The following SAMD5 variants were observed in gnomAD, a reference collection of about 807,000 sequenced individuals.
SAMD5 encodes the protein sterile alpha motif domain-containing protein 5.
In SAMD5, 13 loss-of-function variants were observed where a neutral mutation model predicts 11.3. The observed-to-expected ratio is 1.15, with a 90% CI of 0.75 to 1.83. SAMD5 has a LOEUF of 1.83. SAMD5 is among the 40% of genes most tolerant of loss of function. SAMD5 has a pLI of 0.00. For synonymous variants in SAMD5, 129 were observed against 111.3 expected (o/e 1.16, Z -1.00); for missense variants, 255 against 239.1 (o/e 1.07, Z -0.44).
At chr6:147,777,536 G>A in the SAMD5 span, among the ~76,000 whole-genome samples, 1 of 152,078 alleles carries the variant, frequency 6.6e-6, no homozygotes, top group Non-Finnish European at 1.5e-5. Context: ...CACACAACAC[G>A]AAGTTTACCA....
At chr6:147,917,064 A>T in the SAMD5 span, among the ~76,000 whole-genome samples, 1 of 120,996 alleles carries the variant, frequency 8.3e-6, no homozygotes, top group Admixed American at 8.5e-5. Context: ...TCCTTTGGGT[A>T]TATACCCAGT....
chr6:147,659,426 C>A (rs1790615813), intron 1 of SAMD5, among the ~76,000 whole-genome samples: 1 of 151,990 alleles, frequency 6.6e-6, no homozygotes, highest in Admixed American at 6.6e-5. Flanking sequence ...GAGAGCAAAA[C>A]AACAGGATTT....
chr6:147,651,602 C>T (rs1436945304), intron 1 of SAMD5, among the ~76,000 whole-genome samples: 2 of 152,134 alleles, frequency 1.3e-5, no homozygotes, highest in Non-Finnish European at 2.9e-5. Flanking sequence ...AGAAGGTGGC[C>T]ATCTGCAGGC....
the SAMD5 span, among the ~76,000 whole-genome samples, chr6:147,861,666 A>G: frequency 1.8e-4 from 28 of 152,306 alleles, no homozygotes; most frequent in African/African-American, 6.3e-4. Flanking sequence ...AAAACCATCA[A>G]AAGGAAATGT....
At chr6:147,786,438 A>G in the SAMD5 span, among the ~76,000 whole-genome samples, 1 of 152,214 alleles carries the variant, frequency 6.6e-6, no homozygotes, top group Non-Finnish European at 1.5e-5. Context: ...TCATTTTGTG[A>G]GGCGAATATA....
At chr6:147,675,158 C>T (rs1308003030) in intron 1 of SAMD5, among the ~76,000 whole-genome samples, 1 of 152,222 alleles carries the variant, frequency 6.6e-6, no homozygotes, top group Non-Finnish European at 1.5e-5. Context: ...AATGTTCATA[C>T]AAAAACAGTT....
At chr6:147,628,747 G>A (rs971187776) in intron 1 of SAMD5, among the ~76,000 whole-genome samples, 4 of 152,088 alleles carry the variant, frequency 2.6e-5, no homozygotes, top group African/African-American at 9.7e-5. Context: ...TAGGGGAGAG[G>A]CCACCTCACT....
rs62434738 is a variant in SAMD5 at position 147,603,850 on chromosome 6, T to G, written c.162+94463T>G. Among the ~76,000 whole-genome samples, 926 of 152,288 alleles carry G rather than the reference T, an allele frequency of 6.1e-3. 6 individuals carry two copies. Among genetic ancestry groups the G allele is most frequent in the Non-Finnish European group, 0.011 (726 of 68,030 alleles). ...CTTCCTTACTGGGAGCTGGAGGGTT[T>G]GATTTGTCCATGTTTATGCAGAAAT... On this transcript the variant is annotated intron_variant, in intron 1 of 1. Transcript: ENST00000566741.
chr6:147,691,274 G>A (rs1275783365), intron 1 of SAMD5, among the ~76,000 whole-genome samples: 6 of 152,102 alleles, frequency 3.9e-5, no homozygotes, highest in African/African-American at 7.2e-5. Flanking sequence ...GGTTACAGGC[G>A]TGAGCCACCA....
At chr6:147,684,322 G>C (rs564185871) in intron 1 of SAMD5, among the ~76,000 whole-genome samples, 1 of 152,172 alleles carries the variant, frequency 6.6e-6, no homozygotes, top group South Asian at 2.1e-4. Flanking sequence ...TTAATGATGT[G>C]AATAGACTAT....
At chr6:147,575,802 T>G (rs73578604) in intron 1 of SAMD5, among the ~76,000 whole-genome samples, 3,913 of 152,340 alleles carry the variant, frequency 0.026, 165 homozygotes, top group African/African-American at 0.09. Flanking sequence ...ATACCGGTTG[T>G]GTTTGGCTTA....
chr6:147,721,553 T>C (rs1342377680), intron 1 of SAMD5, among the ~76,000 whole-genome samples: 2 of 152,210 alleles, frequency 1.3e-5, no homozygotes, highest in South Asian at 4.1e-4. Flanking sequence ...GTTGTTTGTT[T>C]TTTTCTTGTA....
the SAMD5 span, among the ~76,000 whole-genome samples, chr6:147,862,914 G>T: frequency 6.6e-6 from 1 of 152,046 alleles, no homozygotes; most frequent in South Asian, 2.1e-4. Context: ...TATCAATATA[G>T]AAACTGCCCA....
At chr6:147,785,480 C>G in the SAMD5 span, among the ~76,000 whole-genome samples, 26 of 152,272 alleles carry the variant, frequency 1.7e-4, no homozygotes, top group African/African-American at 6.0e-4. Context: ...TCTAATCTCT[C>G]AAAGTCCTGG....
chr6:147,934,431 A>G, the SAMD5 span, among the ~76,000 whole-genome samples: 1 of 152,184 alleles, frequency 6.6e-6, no homozygotes, highest in African/African-American at 2.4e-5. Flanking sequence ...AAAAATCACC[A>G]TTCTGTAGGA....
chr6:147,573,752 T>C (rs1467188816), downstream of SAMD5, among the ~76,000 whole-genome samples: 2 of 152,302 alleles, frequency 1.3e-5, no homozygotes, highest in Non-Finnish European at 2.9e-5. Context: ...AGCTGGGCAG[T>C]AGAATGTGGA....
the SAMD5 span, among the ~76,000 whole-genome samples, chr6:147,849,911 C>G: frequency 1.3e-5 from 2 of 152,292 alleles, no homozygotes; most frequent in East Asian, 3.9e-4. Context: ...TTCTGGCACA[C>G]AGGGACAAAG....
At position 147,737,396 on chromosome 6, in the gene SAMD5, G is replaced by A. The variant is rs762907855; in HGVS notation, c.242G>A (p.Arg81His). 104 of 1,145,518 alleles carry A rather than the reference G, an allele frequency of 9.1e-5. 1 individual carries two copies. In the Middle Eastern group the frequency reaches 1.4e-3, roughly 15 times the overall value. 71.0% of individuals were successfully genotyped at this position (1,145,518 alleles called of 1,614,324 possible). The change falls in exon 2 of 2, where the codon CGC becomes CAC. Residue 81 changes from arginine (R) to histidine (H), a missense_variant. Arg to His is a conservative substitution (Grantham distance 29). Coordinates refer to the SAMD5 transcript ENST00000566741. ...GTGAATTTAATCATCTCAATCCCAC[G>A]CTATTACAGGATGACTATAAGAAGA...
the SAMD5 span, among the ~76,000 whole-genome samples, chr6:147,854,553 T>C: frequency 0.011 from 1,726 of 152,310 alleles, 30 homozygotes; most frequent in African/African-American, 0.04. Flanking sequence ...CTTGCTCTAT[T>C]GTACCTTGGA....
Sources: gnomAD v4.1 joint callset for allele counts (sites outside exome capture counted in the v4.1 genomes callset) on GRCh38, gnomAD v4.1.1 for gene constraint, MANE v1.5 for transcripts, NCBI Gene and HGNC (gene_info 2026-07-23, HGNC 2026-07-21) for gene names.